The following GPR39 variants were observed in gnomAD, a reference collection of about 807,000 sequenced individuals.
GPR39 encodes zinc sensing receptor.
A neutral mutation model predicts 18.4 loss-of-function variants in GPR39; 23 were observed. The observed-to-expected ratio is 1.25, with a 90% CI of 0.90 to 1.77. GPR39 has a LOEUF of 1.77. Ranked by LOEUF, GPR39 falls within the 40% of genes most tolerant of loss-of-function variation. GPR39 has a pLI of 0.00. For missense variants in GPR39, 647 were observed against 602.4 expected (o/e 1.07, Z -0.78); for synonymous variants, 280 against 257.9 (o/e 1.09, Z -0.82).
chr2:132,555,108 T>A (rs906108036), intron 1 of GPR39, among the ~76,000 whole-genome samples: 1 of 152,076 alleles, frequency 6.6e-6, no homozygotes. Context: ...CGTGCCACCA[T>A]GCCCGGCTAA....
chr2:132,472,362 C>A (rs1183688471), intron 1 of GPR39, among the ~76,000 whole-genome samples: 2 of 152,164 alleles, frequency 1.3e-5, no homozygotes, highest in African/African-American at 4.8e-5. Context: ...AGCTCCTGAC[C>A]TATCAGCAAA....
At chr2:132,633,561 G>A (rs1031904389) in intron 1 of GPR39, among the ~76,000 whole-genome samples, 1 of 152,258 alleles carries the variant, frequency 6.6e-6, no homozygotes, top group Non-Finnish European at 1.5e-5. Context: ...TGGGATTGAG[G>A]ATTGGAAGGT....
chr2:132,551,253 G>T (rs1373911294), intron 1 of GPR39, among the ~76,000 whole-genome samples: 2 of 150,130 alleles, frequency 1.3e-5, no homozygotes, highest in Non-Finnish European at 2.9e-5. Context: ...GAAAGAGGGG[G>T]AGCAAACTGC....
At chr2:132,565,288 T>C (rs1346559712) in intron 1 of GPR39, among the ~76,000 whole-genome samples, 2 of 152,042 alleles carry the variant, frequency 1.3e-5, no homozygotes, top group Non-Finnish European at 2.9e-5. Flanking sequence ...ACACTCATAG[T>C]GAAACATCGC....
At chr2:132,429,293 A>G (rs546246676) in intron 1 of GPR39, among the ~76,000 whole-genome samples, 75 of 152,352 alleles carry the variant, frequency 4.9e-4, no homozygotes, top group Admixed American at 1.5e-3. Flanking sequence ...GTCTCTCAAA[A>G]GAGAATACTC....
intron 1 of GPR39, chr2:132,418,644 T>A (rs1490266581): frequency 6.6e-6 from 1 of 152,180 alleles, no homozygotes; most frequent in Non-Finnish European, 1.5e-5. Flanking sequence ...TCCAAACTTT[T>A]GTTGTGATAC....
chr2:132,598,365 ATT>A (rs201356581), intron 1 of GPR39, among the ~76,000 whole-genome samples: 4 of 131,184 alleles, frequency 3.0e-5, no homozygotes, highest in East Asian at 2.5e-4. Flanking sequence ...TCACCAAGGG[ATT>A]TTTTTTTTTT....
At chr2:132,511,175 C>T (rs1371952600) in intron 1 of GPR39, among the ~76,000 whole-genome samples, 1 of 152,180 alleles carries the variant, frequency 6.6e-6, no homozygotes, top group Non-Finnish European at 1.5e-5. Context: ...TTCTGATGCA[C>T]CATCATTTAG....
chr2:132,504,235 CTA>C (rs2104752878), intron 1 of GPR39, among the ~76,000 whole-genome samples: 1 of 151,998 alleles, frequency 6.6e-6, no homozygotes, highest in African/African-American at 2.4e-5. Context: ...CCTATCATAT[CTA>C]TGATTCTTTA....
At chr2:132,493,741 G>T (rs1260031658) in intron 1 of GPR39, among the ~76,000 whole-genome samples, 1 of 151,722 alleles carries the variant, frequency 6.6e-6, no homozygotes, top group African/African-American at 2.4e-5. Flanking sequence ...ATCCACTTAG[G>T]GTTCTCCAGC....
intron 1 of GPR39, among the ~76,000 whole-genome samples, chr2:132,572,017 A>G (rs1022330836): frequency 5.9e-5 from 9 of 152,278 alleles, no homozygotes; most frequent in Middle Eastern, 6.8e-3. Context: ...GCAGGTATCA[A>G]GAGAGGAAAT....
intron 1 of GPR39, among the ~76,000 whole-genome samples, chr2:132,462,787 G>C (rs1680858299): frequency 6.6e-6 from 1 of 152,168 alleles, no homozygotes; most frequent in Admixed American, 6.5e-5. Flanking sequence ...TTGTGAAATG[G>C]AGATGATGGT....
At chr2:132,589,447 C>T (rs1037741690) in intron 1 of GPR39, among the ~76,000 whole-genome samples, 4 of 152,200 alleles carry the variant, frequency 2.6e-5, no homozygotes, top group African/African-American at 7.2e-5. Flanking sequence ...CAATTAACTT[C>T]GCTTATCTGA....
chr2:132,603,112 T>C (rs575565367), intron 1 of GPR39, among the ~76,000 whole-genome samples: 191 of 152,276 alleles, frequency 1.3e-3, no homozygotes, highest in African/African-American at 4.3e-3. Context: ...CTAGTCACAA[T>C]AGCCAAGATA....
At chr2:132,576,167 A>G (rs1213692780) in intron 1 of GPR39, among the ~76,000 whole-genome samples, 1 of 151,950 alleles carries the variant, frequency 6.6e-6, no homozygotes, top group Non-Finnish European at 1.5e-5. Flanking sequence ...TTCTTTTTTT[A>G]CTGTTGAATT....
intron 1 of GPR39, among the ~76,000 whole-genome samples, chr2:132,576,748 A>G (rs374109124): frequency 5.3e-5 from 8 of 152,300 alleles, no homozygotes; most frequent in African/African-American, 1.7e-4. Flanking sequence ...TTAGTTTTAT[A>G]TGCAAGTCTG....
At chr2:132,644,839 C>T (rs1442126439) in intron 1 of GPR39, 1 of 438,992 alleles carries the variant, frequency 2.3e-6, no homozygotes, top group Non-Finnish European at 4.0e-6. Flanking sequence ...TAACAGACAT[C>T]AACTGGTATA....
At chr2:132,438,279 A>G (rs187265223) in intron 1 of GPR39, among the ~76,000 whole-genome samples, 206 of 152,194 alleles carry the variant, frequency 1.4e-3, no homozygotes, top group Middle Eastern at 3.4e-3. Flanking sequence ...GTGCTTTCAT[A>G]AGTTGTTGGG....
intron 1 of GPR39, among the ~76,000 whole-genome samples, chr2:132,493,145 C>T (rs569366024): frequency 1.4e-5 from 2 of 139,810 alleles, no homozygotes; most frequent in South Asian, 4.5e-4. Flanking sequence ...CATATATATA[C>T]ATTCCATATA....
Sources: gnomAD v4.1 joint callset for allele counts (sites outside exome capture counted in the v4.1 genomes callset) on GRCh38, gnomAD v4.1.1 for gene constraint, MANE v1.5 for transcripts, NCBI Gene and HGNC (gene_info 2026-07-23, HGNC 2026-07-21) for gene names.